Variants in TRABD2B observed in about 807,000 individuals in gnomAD.
TRABD2B encodes the protein TraB domain containing 2B.
In TRABD2B, 14 loss-of-function variants were observed where a neutral mutation model predicts 40.1. That is an observed-to-expected ratio of 0.35 (90% CI 0.23 to 0.55). The LOEUF is 0.55. Ranked by LOEUF, TRABD2B falls within the 20% of genes least tolerant of loss-of-function variation. The pLI is 0.90. For missense variants in TRABD2B, 541 were observed against 648.6 expected (o/e 0.83, Z 1.80); for synonymous variants, 263 against 277.0 (o/e 0.95, Z 0.50).
Position 47,843,483 on chromosome 1 carries a change from G to C in TRABD2B, c.667-41864C>G, listed in dbSNP as rs1645427187. On this transcript the variant is annotated intron_variant, in intron 2 of 6. Transcript: ENST00000606738. The stretch of plus-strand genomic sequence containing the variant: ...CGGAGTGGAGCAGGCTTGGGAGTAG[G>C]GGAAGATTTGGAGTTTGGTTTAGGG... Among the ~76,000 whole-genome samples the C allele has an allele frequency of 2.6e-5, 4 of 152,170 alleles. 1 individual carries two copies. In the South Asian group the frequency reaches 8.3e-4, roughly 32 times the overall value.
chr1:47,840,368 C>T (rs1450245882), intron 2 of TRABD2B, among the ~76,000 whole-genome samples: 1 of 152,198 alleles, frequency 6.6e-6, no homozygotes, highest in Non-Finnish European at 1.5e-5. Context: ...GATTCAGTAA[C>T]TTGTTCAAGG....
intron 2 of TRABD2B, among the ~76,000 whole-genome samples, chr1:47,917,975 C>A (rs529984522): frequency 6.6e-6 from 1 of 152,346 alleles, no homozygotes; most frequent in East Asian, 1.9e-4. Context: ...CTCATTCTTG[C>A]AACAGTTATT....
chr1:47,934,490 G>A (rs1049455436), intron 2 of TRABD2B, among the ~76,000 whole-genome samples: 3 of 152,394 alleles, frequency 2.0e-5, no homozygotes, highest in South Asian at 2.1e-4. Context: ...GGCTGCCAGC[G>A]GGAGGGGCAG....
intron 2 of TRABD2B, among the ~76,000 whole-genome samples, chr1:47,849,450 G>A (rs368838007): frequency 4.6e-5 from 7 of 152,130 alleles, no homozygotes; most frequent in Non-Finnish European, 1.0e-4. Flanking sequence ...CTGTTGCTTC[G>A]GCCACCCAGT....
rs1446920791 is a variant in TRABD2B, at chr1:47,958,233, C to T, written c.666+35801G>A. On this transcript the variant is annotated intron_variant, in intron 2 of 6. Transcript: ENST00000606738. ...AGCACTAAACATGGAAAGGAACAACCGGTACCAGCCACTGCAAAAACATGC... is the reference window on the plus strand; with the variant it reads ...AGCACTAAACATGGAAAGGAACAACTGGTACCAGCCACTGCAAAAACATGC... Among the ~76,000 whole-genome samples the T allele has an allele frequency of 7.7e-4, 108 of 141,052 alleles. 1 individual carries two copies. Among genetic ancestry groups the T allele is most frequent in the African/African-American group, 2.4e-3 (93 of 38,688 alleles). 92.5% of individuals were successfully genotyped at this position (141,052 alleles called of 152,430 possible).
chr1:47,794,478 G>T, intron 4 of TRABD2B, 108 bp downstream of exon 4: 2 of 1,276,970 alleles, frequency 1.6e-6, no homozygotes, highest in Non-Finnish European at 2.1e-6. Context: ...GGCTTTTCCT[G>T]CCCCATCCTG....
intron 2 of TRABD2B, among the ~76,000 whole-genome samples, chr1:47,829,615 C>G (rs1019870387): frequency 6.6e-6 from 1 of 152,168 alleles, no homozygotes; most frequent in African/African-American, 2.4e-5. Context: ...TCTGTCGCCA[C>G]TCCCATGCTC....
At chr1:47,922,792 AT>A (rs1644919186) in intron 2 of TRABD2B, among the ~76,000 whole-genome samples, 1 of 152,158 alleles carries the variant, frequency 6.6e-6, no homozygotes. Context: ...AAGTTTCCAC[AT>A]CTACTCCGAC....
intron 2 of TRABD2B, among the ~76,000 whole-genome samples, chr1:47,950,082 G>T: frequency 6.6e-6 from 1 of 152,066 alleles, no homozygotes; most frequent in Non-Finnish European, 1.5e-5. Context: ...TCAGGAGATC[G>T]AGACCATCCT....
intron 2 of TRABD2B, among the ~76,000 whole-genome samples, chr1:47,831,696 C>G (rs746487365): frequency 5.9e-5 from 9 of 152,166 alleles, no homozygotes; most frequent in Non-Finnish European, 1.2e-4. Context: ...CCTTTCAAAT[C>G]ACCAGCGGGT....
At chr1:47,770,996 C>G (rs965420386) in intron 6 of TRABD2B, among the ~76,000 whole-genome samples, 1 of 152,198 alleles carries the variant, frequency 6.6e-6, no homozygotes, top group African/African-American at 2.4e-5. Context: ...TGGATTTGAA[C>G]CCCATTCTGC....
chr1:47,778,233 G>A (rs1644473822), intron 5 of TRABD2B, among the ~76,000 whole-genome samples: 1 of 152,134 alleles, frequency 6.6e-6, no homozygotes, highest in Admixed American at 6.5e-5. Context: ...CAGTCTTAAC[G>A]CTGCTCTCAC....
Position 47,918,984 on chromosome 1 carries a change from C to T in TRABD2B, c.666+75050G>A, listed in dbSNP as rs185842639. On this transcript the variant is annotated intron_variant, in intron 2 of 6. Coordinates refer to ENST00000606738, the MANE Select transcript of TRABD2B (RefSeq NM_001194986.2). Reference sequence around the variant, plus strand: ...GACAATCCTTGCTCATTCTTACAGGCCCTGTTGGGATGTCACTCCTCTGAG... The same window carrying T: ...GACAATCCTTGCTCATTCTTACAGGTCCTGTTGGGATGTCACTCCTCTGAG... 5.9e-5 allele frequency among the ~76,000 whole-genome samples: 9 copies of T among 152,314 alleles called. No homozygotes were observed. In the East Asian group the frequency reaches 1.7e-3, roughly 29 times the overall value.
chr1:47,803,083 C>T (rs974924166), intron 2 of TRABD2B, among the ~76,000 whole-genome samples: 60 of 152,214 alleles, frequency 3.9e-4, no homozygotes, highest in African/African-American at 1.3e-3. Flanking sequence ...CCGGCTCCCT[C>T]GTCTCCACTT....
intron 2 of TRABD2B, among the ~76,000 whole-genome samples, chr1:47,961,316 A>T (rs1466671466): frequency 2.0e-5 from 3 of 152,176 alleles, no homozygotes; most frequent in African/African-American, 4.8e-5. Context: ...GGACTTCATG[A>T]CTAAAACACC....
intron 2 of TRABD2B, among the ~76,000 whole-genome samples, chr1:47,968,308 C>T (rs1557686027): frequency 6.6e-6 from 1 of 152,168 alleles, no homozygotes; most frequent in Non-Finnish European, 1.5e-5. Flanking sequence ...TTCCTAGAGT[C>T]CGAGAAGGTA....
chr1:47,959,081 T>C (rs1198490536), intron 2 of TRABD2B, among the ~76,000 whole-genome samples: 1 of 152,140 alleles, frequency 6.6e-6, no homozygotes, highest in Non-Finnish European at 1.5e-5. Flanking sequence ...CTCAACTACA[T>C]GGAAACTGAA....
chr1:47,921,731 T>C (rs1206696710), intron 2 of TRABD2B, among the ~76,000 whole-genome samples: 2 of 152,222 alleles, frequency 1.3e-5, no homozygotes, highest in Non-Finnish European at 2.9e-5. Flanking sequence ...ATGTGTGCGA[T>C]GGAGTGTGCT....
chr1:47,971,090 T>C (rs1300911732), intron 2 of TRABD2B, among the ~76,000 whole-genome samples: 1 of 152,238 alleles, frequency 6.6e-6, no homozygotes, highest in African/African-American at 2.4e-5. Flanking sequence ...TGAAATTTGA[T>C]AGCACGGTAA....
Sources: allele counts gnomAD v4.1 joint callset (sites outside exome capture counted in the v4.1 genomes callset), GRCh38; gene constraint gnomAD v4.1.1; transcripts MANE v1.5; gene names NCBI Gene and HGNC (gene_info 2026-07-23, HGNC 2026-07-21).